BIRC6: variants seen among roughly 807,000 people sequenced by gnomAD.
The protein encoded by BIRC6 is dual E2 ubiquitin-conjugating enzyme/E3 ubiquitin-protein ligase BIRC6.
Under a neutral mutation model 503.3 loss-of-function variants are expected in BIRC6, and 98 were observed. The observed-to-expected ratio is 0.19, with a 90% CI of 0.17 to 0.23. The LOEUF is 0.23. Among genes scored for constraint, BIRC6 ranks in the 10% least tolerant of loss-of-function variants. The pLI, the probability that BIRC6 is intolerant of heterozygous loss-of-function variation, is 1.00. For missense variants in BIRC6, 5,360 were observed against 5,806.0 expected (o/e 0.92, Z 2.50); for synonymous variants, 2,240 against 2,078.7 (o/e 1.08, Z -2.11).
At chr2:32,615,333 C>T (rs954020653) in intron 73 of BIRC6, among the ~76,000 whole-genome samples, 1 of 152,162 alleles carries the variant, frequency 6.6e-6, no homozygotes, top group African/African-American at 2.4e-5. Flanking sequence ...TTAGTGATTT[C>T]ACCTGTTGTC....
chr2:32,478,834 T>C lies in BIRC6; in HGVS notation c.7252+16T>C, dbSNP rs1336948791. The C allele has an allele frequency of 1.2e-6, 2 of 1,610,390 alleles. No homozygotes were observed. The highest frequency in any genetic ancestry group is 1.3e-5 in the African/African-American group (1 of 74,754). ...ATTTTAGCAGGTGTGTTAGGATTTT[T>C]CTTCATAGAGTATGTCAAAATTACC... On this transcript the variant is annotated intron_variant, in intron 36 of 73. Transcript: ENST00000421745.
Position 32,518,352 on chromosome 2 carries a change from G to C in BIRC6, c.11448G>C (p.Met3816Ile). Residue 3816 changes from methionine to isoleucine, a missense_variant, in exon 56 of 74, where the codon ATG (methionine) becomes ATC (isoleucine). By Grantham distance (10) the Met-to-Ile change is conservative. Around this residue, in one of 16 missense-constraint regions of BIRC6, gnomAD observed 878 missense variants for 928.9 expected, o/e 0.95. Transcript: ENST00000421745. ...TACGAAGATTATTTTTACAGTTGATGCTGGAAGATGAGAAAGTGACAATGT... is the reference window on the plus strand; with the variant it reads ...TACGAAGATTATTTTTACAGTTGATCCTGGAAGATGAGAAAGTGACAATGT... ...GFIRRLFLQL[M>I]LEDEKVTMFL... The C allele has an allele frequency of 6.2e-7, 1 of 1,607,496 alleles. No homozygotes were observed. The highest frequency in any genetic ancestry group is 8.5e-7 in the Non-Finnish European group (1 of 1,178,486).
At chr2:32,392,649 G>A (rs1290624232) in intron 5 of BIRC6, among the ~76,000 whole-genome samples, 1 of 151,972 alleles carries the variant, frequency 6.6e-6, no homozygotes, top group African/African-American at 2.4e-5. Flanking sequence ...TTGAGACAGG[G>A]TCTCACTCTG....
chr2:32,448,694 C>A (rs1289252306), intron 21 of BIRC6, 101 bp from the exon 22 acceptor site: 2 of 985,618 alleles, frequency 2.0e-6, no homozygotes, highest in East Asian at 5.3e-5. Context: ...GAGGGAGAGC[C>A]CTCTGCGCTG....
intron 73 of BIRC6, among the ~76,000 whole-genome samples, chr2:32,615,786 C>T (rs2063188215): frequency 6.6e-6 from 1 of 152,120 alleles, no homozygotes; most frequent in South Asian, 2.1e-4. Flanking sequence ...AGGCACACAC[C>T]ACCACACCCA....
At chr2:32,568,312 GAAACCCCA>G (rs1255566268) in intron 65 of BIRC6, among the ~76,000 whole-genome samples, 1 of 150,886 alleles carries the variant, frequency 6.6e-6, no homozygotes, top group Non-Finnish European at 1.5e-5. Flanking sequence ...GCAACATGGT[GAAACCCCA>G]ACTCTACGAA....
intron 50 of BIRC6, among the ~76,000 whole-genome samples, chr2:32,507,108 A>T (rs535629117): frequency 2.9e-4 from 44 of 152,110 alleles, no homozygotes; most frequent in South Asian, 1.5e-3. Context: ...TTGATTTTTT[A>T]AAAAAAATCC....
chr2:32,364,387 G>T (rs1248442818), intron 1 of BIRC6, among the ~76,000 whole-genome samples: 1 of 152,080 alleles, frequency 6.6e-6, no homozygotes, highest in East Asian at 1.9e-4. Context: ...TTACAGGTGT[G>T]CGCCACCATG....
At chr2:32,611,108 C>CTTTTTTTTTTTT (rs1245765148) in intron 72 of BIRC6, among the ~76,000 whole-genome samples, 32 of 126,156 alleles carry the variant, frequency 2.5e-4, no homozygotes, top group Admixed American at 5.0e-4. Flanking sequence ...ATTAAATTGC[C>CTTTTTTTTTTTT]TTTTTTTTTT....
At chr2:32,395,724 A>C in intron 6 of BIRC6, 131 bp downstream of exon 6, 1 of 696,564 alleles carries the variant, frequency 1.4e-6, no homozygotes, top group Non-Finnish European at 2.5e-6. Context: ...TGTCCTGAGA[A>C]TGAGCTAGCC....
At chr2:32,570,068 T>A (rs973896932) in intron 65 of BIRC6, among the ~76,000 whole-genome samples, 17 of 152,200 alleles carry the variant, frequency 1.1e-4, no homozygotes, top group African/African-American at 3.1e-4. Context: ...GTTTTTCATA[T>A]ATGGCCTTTA....
intron 3 of BIRC6, among the ~76,000 whole-genome samples, chr2:32,383,171 C>T (rs1235767567): frequency 6.6e-6 from 1 of 151,364 alleles, no homozygotes; most frequent in Non-Finnish European, 1.5e-5. Flanking sequence ...CTCAGCCTCC[C>T]GAGTAGCTGC....
chr2:32,599,802 T>G lies in BIRC6; in HGVS notation c.13894T>G (p.Phe4632Val), dbSNP rs1242983734. Residue 4632 changes from phenylalanine to valine, a missense_variant, in exon 70 of 74, where the codon TTT becomes GTT. By Grantham distance (50) the Phe-to-Val change is conservative. This residue lies in a region of BIRC6 where 66 missense variants were observed against 113.2 expected (regional missense o/e 0.58). Coordinates refer to ENST00000421745, the MANE Select transcript of BIRC6 (RefSeq NM_016252.4). ...TGGCTGCTTTGAGTTTGATGTGTAT[T>G]TTCCTCAAGATTATCCCAGTTCACC... is the stretch of plus-strand genomic sequence containing the variant. ...ANGCFEFDVY[F>V]PQDYPSSPPL... The G allele has an allele frequency of 1.9e-6, 3 of 1,613,912 alleles. No homozygotes were observed.
intron 45 of BIRC6, among the ~76,000 whole-genome samples, chr2:32,494,979 T>C (rs546116668): frequency 7.4e-4 from 112 of 152,240 alleles, no homozygotes; most frequent in Non-Finnish European, 1.3e-3. Context: ...TCTAATTTTA[T>C]TCAAATAAAC....
rs1016398167 is a variant in BIRC6 at position 32,364,145 on chromosome 2, A to G, written c.325+6659A>G. On this transcript the variant is annotated intron_variant, in intron 1 of 73. Transcript: ENST00000421745. The stretch of plus-strand genomic sequence containing the variant: ...TATGTGTGCAGGTATTAATCAATGG[A>G]TATGGCAGTATATGGGTAGGAGACA... 2.6e-5 allele frequency among the ~76,000 whole-genome samples: 4 copies of G among 152,330 alleles called. No homozygotes were observed. The East Asian group carries it at 5.8e-4, about 22-fold the overall frequency.
At chr2:32,572,974 T>C (rs1365566155) in intron 65 of BIRC6, among the ~76,000 whole-genome samples, 2 of 152,144 alleles carry the variant, frequency 1.3e-5, no homozygotes, top group Admixed American at 6.5e-5. Flanking sequence ...TTAATCCCCA[T>C]ATAGCTCTGT....
chr2:32,367,459 A>G (rs1395225553), intron 1 of BIRC6, among the ~76,000 whole-genome samples: 2 of 151,278 alleles, frequency 1.3e-5, no homozygotes, highest in Admixed American at 6.6e-5. Flanking sequence ...GTGAAACACC[A>G]TCTCAAAAAA....
Position 32,467,642 on chromosome 2 carries a change from A to G in BIRC6, c.5474A>G (p.Glu1825Gly), listed in dbSNP as rs370894404. 44 of 1,613,760 alleles carry G rather than the reference A, an allele frequency of 2.7e-5. No individual in the cohort carries two copies. The highest frequency in any genetic ancestry group is 1.1e-5 in the Non-Finnish European group (13 of 1,179,860). ...ATTGACATTTGGACATTAGGAGAAG[A>G]GGTGGATGGAAGGCGGTTGGTAGTG... Reference protein sequence around the residue: ...LSIDIWTLGEEVDGRRLVVAT... With the variant: ...LSIDIWTLGEGVDGRRLVVAT... Residue 1825 changes from glutamate to glycine, a missense_variant, in exon 27 of 74, where the codon GAG becomes GGG. Physicochemically the swap from Glu to Gly is moderately conservative, Grantham distance 98. Transcript: ENST00000421745.
At chr2:32,544,691 T>C (rs1325698666) in intron 62 of BIRC6, among the ~76,000 whole-genome samples, 1 of 151,718 alleles carries the variant, frequency 6.6e-6, no homozygotes, top group Non-Finnish European at 1.5e-5. Context: ...TATGTGTAGA[T>C]CTCAAAACTC....
Sources: allele counts gnomAD v4.1 joint callset (sites outside exome capture counted in the v4.1 genomes callset), GRCh38; gene constraint gnomAD v4.1.1; regional missense constraint gnomAD v4.1.1; transcripts MANE v1.5; gene names NCBI Gene and HGNC (gene_info 2026-07-23, HGNC 2026-07-21).